Variants in PRKG1 observed in about 807,000 individuals in gnomAD.
The protein encoded by PRKG1 is protein kinase cGMP-dependent 1, also known as cGMP-dependent protein kinase 1.
A neutral mutation model predicts 88.1 loss-of-function variants in PRKG1; 35 were observed. The ratio of observed to expected loss-of-function variants is 0.40; its 90% CI spans 0.30 to 0.53. The LOEUF (loss-of-function observed/expected upper bound fraction) is 0.53. Ranked by LOEUF, PRKG1 falls within the 20% of genes least tolerant of loss-of-function variation. PRKG1 has a pLI of 0.59. For missense variants in PRKG1, 540 were observed against 839.8 expected (o/e 0.64, Z 4.41); for synonymous variants, 303 against 292.5 (o/e 1.04, Z -0.37).
In PRKG1 at chr10:51,378,543, G is replaced by A. The variant is rs79398089; in HGVS notation, c.479-89180G>A. On this transcript the variant is annotated intron_variant, in intron 2 of 17. Coordinates refer to ENST00000373980, the MANE Select transcript of PRKG1 (RefSeq NM_006258.4). ...TTACACATTGTAATTAATAGAAGAG[G>A]AGACTATTGTACATTTACATAAAAC... Among the ~76,000 whole-genome samples the A allele has an allele frequency of 9.0e-3, 1,371 of 152,246 alleles. 22 individuals carry two copies. Among genetic ancestry groups the A allele is most frequent in the African/African-American group, 0.031 (1,289 of 41,546 alleles).
intron 2 of PRKG1, among the ~76,000 whole-genome samples, chr10:51,216,143 G>T (rs1838365431): frequency 6.6e-6 from 1 of 152,166 alleles, no homozygotes; most frequent in African/African-American, 2.4e-5. Context: ...ATATTTGTGG[G>T]ATGAATGAAT....
intron 7 of PRKG1, among the ~76,000 whole-genome samples, chr10:52,095,639 T>A (rs1480145478): frequency 6.6e-6 from 1 of 152,178 alleles, no homozygotes; most frequent in Non-Finnish European, 1.5e-5. Context: ...AGTGAATTTA[T>A]GTATTTAATA....
intron 3 of PRKG1, among the ~76,000 whole-genome samples, chr10:51,795,775 G>A (rs112180547): frequency 6.6e-6 from 1 of 152,186 alleles, no homozygotes; most frequent in African/African-American, 2.4e-5. Context: ...TGGTAAACAT[G>A]AAGTAGGAGA....
At chr10:52,193,944 A>G (rs1424011955) in intron 9 of PRKG1, among the ~76,000 whole-genome samples, 1 of 152,200 alleles carries the variant, frequency 6.6e-6, no homozygotes, top group Non-Finnish European at 1.5e-5. Context: ...CTTTATGTGC[A>G]TTGAATAATT....
chr10:51,308,591 T>C (rs1841098423), intron 2 of PRKG1, among the ~76,000 whole-genome samples: 1 of 152,156 alleles, frequency 6.6e-6, no homozygotes, highest in Admixed American at 6.5e-5. Context: ...ATTAGCCTTC[T>C]CACTGGTCCC....
intron 3 of PRKG1, among the ~76,000 whole-genome samples, chr10:51,649,117 C>T (rs907955597): frequency 6.6e-5 from 10 of 152,098 alleles, no homozygotes; most frequent in African/African-American, 1.9e-4. Context: ...GCGTTTTTGG[C>T]GCTACATTTT....
chr10:51,032,444 T>C (rs113397834), intron 1 of PRKG1, among the ~76,000 whole-genome samples: 1 of 152,084 alleles, frequency 6.6e-6, no homozygotes, highest in Non-Finnish European at 1.5e-5. Context: ...AGATAATGCA[T>C]GTGTTCAATG....
intron 3 of PRKG1, among the ~76,000 whole-genome samples, chr10:51,764,445 T>C (rs757073788): frequency 6.6e-6 from 1 of 152,178 alleles, no homozygotes; most frequent in African/African-American, 2.4e-5. Flanking sequence ...TTTGTTTCCT[T>C]GAATTTCCAT....
intron 1 of PRKG1, among the ~76,000 whole-genome samples, chr10:51,012,719 GAC>G (rs1332862230): frequency 6.6e-6 from 1 of 152,144 alleles, no homozygotes; most frequent in African/African-American, 2.4e-5. Flanking sequence ...TAGTAATAGA[GAC>G]AAACAAATGA....
At chr10:52,161,760 G>A in intron 8 of PRKG1, 129 bp from the exon 9 acceptor site, 1 of 729,636 alleles carries the variant, frequency 1.4e-6, no homozygotes, top group Non-Finnish European at 2.3e-6. Flanking sequence ...TCTTATTAAT[G>A]TACTTAGATT....
intron 3 of PRKG1, among the ~76,000 whole-genome samples, chr10:51,627,788 AG>A (rs2132272403): frequency 6.6e-6 from 1 of 152,208 alleles, no homozygotes; most frequent in South Asian, 2.1e-4. Context: ...GCACCTAGAA[AG>A]CCTTCTGAAA....
At chr10:52,032,966 A>G (rs1845507540) in intron 5 of PRKG1, among the ~76,000 whole-genome samples, 1 of 152,212 alleles carries the variant, frequency 6.6e-6, no homozygotes, top group Non-Finnish European at 1.5e-5. Context: ...GTCTTTATCT[A>G]TAAAGATAGT....
At chr10:52,120,490 G>A (rs897122706) in intron 7 of PRKG1, among the ~76,000 whole-genome samples, 3 of 152,168 alleles carry the variant, frequency 2.0e-5, no homozygotes, top group Admixed American at 2.0e-4. Context: ...GTGAGCCTAT[G>A]AAATCAAGAC....
chr10:51,003,127 T>C (rs10995319), intron 1 of PRKG1, among the ~76,000 whole-genome samples: 27,084 of 152,010 alleles, frequency 0.18, 2,989 homozygotes, highest in South Asian at 0.3. Context: ...CAAGGGTAGA[T>C]TGAATGTTGG....
chr10:51,075,137 T>C (rs1843915900), intron 1 of PRKG1, among the ~76,000 whole-genome samples: 1 of 152,234 alleles, frequency 6.6e-6, no homozygotes, highest in Non-Finnish European at 1.5e-5. Flanking sequence ...TTTTTAAATA[T>C]ACATATACAT....
chr10:52,101,107 C>A (rs1847283399), intron 7 of PRKG1, among the ~76,000 whole-genome samples: 1 of 152,076 alleles, frequency 6.6e-6, no homozygotes, highest in African/African-American at 2.4e-5. Flanking sequence ...TTTTAATTTT[C>A]AGAATTCATA....
At chr10:51,031,503 A>G (rs374791412) in intron 1 of PRKG1, among the ~76,000 whole-genome samples, 2 of 152,178 alleles carry the variant, frequency 1.3e-5, no homozygotes, top group African/African-American at 4.8e-5. Context: ...AGACCCAAGG[A>G]TTGGAGCAGA....
At chr10:51,508,852 A>G (rs911161781) in intron 3 of PRKG1, among the ~76,000 whole-genome samples, 4 of 152,186 alleles carry the variant, frequency 2.6e-5, no homozygotes, top group African/African-American at 7.2e-5. Flanking sequence ...GAAGGGGGAA[A>G]TGAGTTGTTT....
chr10:52,066,562 T>C lies in PRKG1; in HGVS notation c.935+3931T>C, dbSNP rs73342906. 4.1e-3 allele frequency among the ~76,000 whole-genome samples: 617 copies of C among 152,172 alleles called. 4 individuals are homozygous for C. The highest frequency in any genetic ancestry group is 0.014 in the African/African-American group (576 of 41,526). ...GGACTTGAATTTGCCTGGCAGTGGATAGGGGTTATGAGCTCGCTTGACCAT... is the reference window on the plus strand; with the variant it reads ...GGACTTGAATTTGCCTGGCAGTGGACAGGGGTTATGAGCTCGCTTGACCAT... On this transcript the variant is annotated intron_variant, in intron 7 of 17. Coordinates refer to ENST00000373980, the MANE Select transcript of PRKG1 (RefSeq NM_006258.4).
Sources: allele counts gnomAD v4.1 joint callset (sites outside exome capture counted in the v4.1 genomes callset), GRCh38; gene constraint gnomAD v4.1.1; transcripts MANE v1.5; gene names NCBI Gene and HGNC (gene_info 2026-07-23, HGNC 2026-07-21).